The following ARHGAP8 variants were observed in gnomAD, a reference collection of about 807,000 sequenced individuals.
ARHGAP8 encodes Rho GTPase activating protein 8.
Under a neutral mutation model 46.1 loss-of-function variants are expected in ARHGAP8, and 62 were observed. That is an observed-to-expected ratio of 1.34 (90% confidence interval 1.10 to 1.66). The LOEUF (loss-of-function observed/expected upper bound fraction) is 1.66, where lower values mean the gene tolerates loss of function less well. Ranked by LOEUF, ARHGAP8 falls within the 40% of genes most tolerant of loss-of-function variation. The pLI, the probability that ARHGAP8 is intolerant of heterozygous loss-of-function variation, is 0.00. For missense variants in ARHGAP8, 923 were observed against 568.4 expected (o/e 1.62, Z -6.34); for synonymous variants, 375 against 243.1 (o/e 1.54, Z -5.05).
chr22:44,787,668 G>C (rs998335194), intron 2 of ARHGAP8, among the ~76,000 whole-genome samples: 2 of 152,082 alleles, frequency 1.3e-5, no homozygotes, highest in African/African-American at 4.8e-5. Flanking sequence ...ATTTAGGTCT[G>C]AGCATGCATT....
chr22:44,764,197 C>T (rs188449694), intron 1 of ARHGAP8, among the ~76,000 whole-genome samples: 84 of 152,248 alleles, frequency 5.5e-4, no homozygotes, highest in Non-Finnish European at 7.8e-4. Flanking sequence ...CCTGGAGGAG[C>T]GTTCTCTGGT....
At chr22:44,803,585 G>A (rs911840747) in intron 3 of ARHGAP8, among the ~76,000 whole-genome samples, 15 of 140,390 alleles carry the variant, frequency 1.1e-4, no homozygotes, top group Non-Finnish European at 1.7e-4. Flanking sequence ...TTCTGTGCCA[G>A]TCCCCTACTG....
chr22:44,841,807 T>C (rs1486472179), intron 7 of ARHGAP8, among the ~76,000 whole-genome samples: 2 of 152,182 alleles, frequency 1.3e-5, no homozygotes, highest in Non-Finnish European at 2.9e-5. Context: ...GTATATGTTG[T>C]GTCTGCTCAC....
At chr22:44,810,268 G>A (rs112647594) in intron 4 of ARHGAP8, among the ~76,000 whole-genome samples, 10 of 133,620 alleles carry the variant, frequency 7.5e-5, no homozygotes, top group African/African-American at 1.7e-4. Flanking sequence ...TTGAGACAGA[G>A]TCTCATTCTA....
chr22:44,753,081 C>A (rs1267458435), intron 1 of ARHGAP8, among the ~76,000 whole-genome samples: 1 of 152,024 alleles, frequency 6.6e-6, no homozygotes, highest in Non-Finnish European at 1.5e-5. Flanking sequence ...CACCCCAAAC[C>A]TACAAGGTGG....
intron 2 of ARHGAP8, among the ~76,000 whole-genome samples, chr22:44,799,030 G>A (rs1928295246): frequency 6.6e-6 from 1 of 152,164 alleles, no homozygotes; most frequent in Admixed American, 6.5e-5. Flanking sequence ...CTGGGAGGAG[G>A]GGCTGCACCC....
intron 1 of ARHGAP8, 24 bp downstream of exon 1, chr22:44,752,651 G>C (rs1924322434): frequency 6.7e-6 from 1 of 149,412 alleles, no homozygotes. Context: ...CGGCGGGAGG[G>C]AGCGCGCAGG....
In ARHGAP8 at chr22:44,776,157, A is replaced by T. The variant is rs575354861; in HGVS notation, c.-71-10300A>T. Among the ~76,000 whole-genome samples the T allele has an allele frequency of 1.1e-3, 169 of 152,252 alleles. 1 individual carries two copies. The highest frequency in any genetic ancestry group is 1.8e-3 in the Admixed American group (28 of 15,290). On this transcript the variant is annotated intron_variant, in intron 1 of 11. Transcript: ENST00000356099. ...AGAGGCTTCTGTAACCCTCATTAAT[A>T]TGTAGGCATCCAGCCAGGCGCAGTG... is the stretch of plus-strand genomic sequence containing the variant.
chr22:44,838,066 C>T (rs982964385), intron 7 of ARHGAP8, among the ~76,000 whole-genome samples: 10 of 152,168 alleles, frequency 6.6e-5, no homozygotes, highest in Non-Finnish European at 5.9e-5. Context: ...CTCCACCTCC[C>T]GGGTTCAAAT....
chr22:44,833,092 TTTTC>T (rs1246226019), intron 7 of ARHGAP8, among the ~76,000 whole-genome samples: 8 of 129,954 alleles, frequency 6.2e-5, no homozygotes, highest in Admixed American at 1.6e-4. Flanking sequence ...TTTTCTTTTC[TTTTC>T]TTTTTTTTTT....
intron 8 of ARHGAP8, among the ~76,000 whole-genome samples, chr22:44,846,191 G>A (rs2069951508): frequency 1.3e-5 from 2 of 152,214 alleles, no homozygotes; most frequent in South Asian, 2.1e-4. Flanking sequence ...GTGGTCCCTT[G>A]GCTGCTGCCG....
At chr22:44,819,553 A>G (rs958186256) in intron 5 of ARHGAP8, among the ~76,000 whole-genome samples, 9 of 152,130 alleles carry the variant, frequency 5.9e-5, no homozygotes, top group African/African-American at 1.9e-4. Context: ...GGCGCCTGTA[A>G]TCCCAGCTAC....
intron 1 of ARHGAP8, among the ~76,000 whole-genome samples, chr22:44,779,760 G>A (rs956994139): frequency 6.6e-6 from 1 of 151,770 alleles, no homozygotes; most frequent in Non-Finnish European, 1.5e-5. Flanking sequence ...GTAGAGATGG[G>A]GTTTCACTGT....
intron 6 of ARHGAP8, among the ~76,000 whole-genome samples, chr22:44,824,634 CTTTT>C (rs10571764): frequency 1.1e-4 from 14 of 131,708 alleles, no homozygotes; most frequent in Non-Finnish European, 1.1e-4. Context: ...TTCTTCTTTT[CTTTT>C]TTTTTTTTTT....
At chr22:44,855,156 G>C (rs1157583277) in intron 10 of ARHGAP8, among the ~76,000 whole-genome samples, 1 of 152,156 alleles carries the variant, frequency 6.6e-6, no homozygotes, top group African/African-American at 2.4e-5. Context: ...CCATCAGAGG[G>C]AGAATAATTT....
chr22:44,764,833 G>C (rs1925428984), intron 1 of ARHGAP8, among the ~76,000 whole-genome samples: 1 of 152,242 alleles, frequency 6.6e-6, no homozygotes, highest in Non-Finnish European at 1.5e-5. Flanking sequence ...CCCTGCGAGA[G>C]GGAGCTGAGA....
chr22:44,803,190 G>A (rs1928679137), intron 3 of ARHGAP8, among the ~76,000 whole-genome samples: 1 of 152,152 alleles, frequency 6.6e-6, no homozygotes, highest in Non-Finnish European at 1.5e-5. Flanking sequence ...GGAAGGGGCC[G>A]AGTGAGGGGG....
At chr22:44,854,320 T>A (rs2070169737) in intron 10 of ARHGAP8, among the ~76,000 whole-genome samples, 1 of 151,030 alleles carries the variant, frequency 6.6e-6, no homozygotes, top group Non-Finnish European at 1.5e-5. Context: ...CATTACAACT[T>A]CTGCCTCCTG....
At chr22:44,852,310 C>T (rs985000872) in intron 10 of ARHGAP8, among the ~76,000 whole-genome samples, 1 of 151,494 alleles carries the variant, frequency 6.6e-6, no homozygotes, top group Admixed American at 6.6e-5. Flanking sequence ...AGTCATGGAG[C>T]TTCAATTCCT....
Sources: gnomAD v4.1 joint callset for allele counts (sites outside exome capture counted in the v4.1 genomes callset) on GRCh38, gnomAD v4.1.1 for gene constraint, MANE v1.5 for transcripts, NCBI Gene and HGNC (gene_info 2026-07-23, HGNC 2026-07-21) for gene names.